The following LOC400499 variants were observed in gnomAD, a reference collection of about 807,000 sequenced individuals.
chr16:11,437,751 C>A, the LOC400499 span, among the ~76,000 whole-genome samples: 2 of 152,122 alleles, frequency 1.3e-5, no homozygotes, highest in Non-Finnish European at 2.9e-5. Flanking sequence ...TGCCTGTAAT[C>A]CCAGCTACTT....
chr16:11,505,115 C>T, the LOC400499 span, among the ~76,000 whole-genome samples: 24 of 150,794 alleles, frequency 1.6e-4, no homozygotes, highest in Non-Finnish European at 2.1e-4. Flanking sequence ...CCTGAACCCA[C>T]ACTCTTAACA....
the LOC400499 span, among the ~76,000 whole-genome samples, chr16:11,504,950 C>T: frequency 2.3e-4 from 35 of 152,064 alleles, no homozygotes; most frequent in Admixed American, 6.6e-4. Context: ...ATAACAACTA[C>T]GCCACTAGTT....
chr16:11,466,054 A>G, the LOC400499 span, among the ~76,000 whole-genome samples: 1 of 152,252 alleles, frequency 6.6e-6, no homozygotes, highest in South Asian at 2.1e-4. Flanking sequence ...AGAGTCCTTC[A>G]TTATTAAACT....
chr16:11,465,776 CAGAGAGGGAAAAG>C, the LOC400499 span, among the ~76,000 whole-genome samples: 1 of 116,550 alleles, frequency 8.6e-6, no homozygotes, highest in Non-Finnish European at 1.6e-5. Flanking sequence ...GGGGGGTGGG[CAGAGAGGGAAAAG>C]AGAGAGGGGG....
the LOC400499 span, chr16:11,401,324 C>T: frequency 5.0e-6 from 2 of 399,316 alleles, no homozygotes; most frequent in Non-Finnish European, 4.4e-6. Flanking sequence ...GGCTTGCCGC[C>T]AAGGGAGGTT....
chr16:11,381,611 CGTCGGTGGATCCCTT>C, the LOC400499 span, among the ~76,000 whole-genome samples: 3 of 152,178 alleles, frequency 2.0e-5, no homozygotes, highest in South Asian at 6.2e-4. Flanking sequence ...CGTAAATGAA[CGTCGGTGGATCCCTT>C]GAGTAAGTGT....
chr16:11,511,000 T>G, the LOC400499 span, among the ~76,000 whole-genome samples: 2 of 150,678 alleles, frequency 1.3e-5, 1 homozygote, highest in Non-Finnish European at 2.9e-5. Context: ...AATGATGATT[T>G]TCTTTTTTTT....
chr16:11,518,154 C>T, the LOC400499 span, among the ~76,000 whole-genome samples: 14 of 152,202 alleles, frequency 9.2e-5, no homozygotes, highest in Non-Finnish European at 1.5e-5. Context: ...ACAATAGTCC[C>T]CTTGGAGGAG....
chr16:11,391,310 A>G, the LOC400499 span, among the ~76,000 whole-genome samples: 1 of 152,174 alleles, frequency 6.6e-6, no homozygotes, highest in African/African-American at 2.4e-5. Flanking sequence ...ACCTGGCCAC[A>G]TTGAGCTCAT....
At chr16:11,411,433 G>A in the LOC400499 span, 1 of 398,114 alleles carries the variant, frequency 2.5e-6, no homozygotes, top group Non-Finnish European at 4.4e-6. Context: ...GAGAGTCAGA[G>A]AGCCAGGATC....
the LOC400499 span, among the ~76,000 whole-genome samples, chr16:11,413,198 C>G: frequency 6.6e-6 from 1 of 152,172 alleles, no homozygotes; most frequent in African/African-American, 2.4e-5. Context: ...CAGACGTCGA[C>G]AGAGAATGTG....
At chr16:11,393,162 C>G in the LOC400499 span, among the ~76,000 whole-genome samples, 4 of 132,112 alleles carry the variant, frequency 3.0e-5, no homozygotes, top group South Asian at 2.2e-4. Context: ...CCACCCCCCC[C>G]CCTTTTTTTT....
At chr16:11,384,147 C>A in the LOC400499 span, 1 of 1,214,360 alleles carries the variant, frequency 8.2e-7, no homozygotes, top group South Asian at 4.2e-5. Flanking sequence ...CTGCCTCTCC[C>A]GGGACTCTGC....
At chr16:11,493,294 C>A in the LOC400499 span, among the ~76,000 whole-genome samples, 2 of 152,324 alleles carry the variant, frequency 1.3e-5, no homozygotes, top group South Asian at 4.1e-4. Flanking sequence ...GGAAAGCAGC[C>A]ATAGATAACA....
At chr16:11,397,894 G>C in the LOC400499 span, among the ~76,000 whole-genome samples, 3 of 152,048 alleles carry the variant, frequency 2.0e-5, no homozygotes, top group Non-Finnish European at 2.9e-5. Context: ...TACGGGGATG[G>C]ATGGAAGATA....
chr16:11,465,803 G>C, the LOC400499 span, among the ~76,000 whole-genome samples: 1 of 134,392 alleles, frequency 7.4e-6, no homozygotes, highest in Non-Finnish European at 1.6e-5. Flanking sequence ...GAGGGGGAAA[G>C]AGACTGGTAG....
At chr16:11,490,579 T>C in the LOC400499 span, among the ~76,000 whole-genome samples, 1 of 152,002 alleles carries the variant, frequency 6.6e-6, no homozygotes, top group African/African-American at 2.4e-5. Context: ...TGGCCACCTG[T>C]AGTCCTAGCT....
At chr16:11,504,821 G>T in the LOC400499 span, among the ~76,000 whole-genome samples, 1 of 152,048 alleles carries the variant, frequency 6.6e-6, no homozygotes. Context: ...TATTCAAGAG[G>T]CTGAGACAGG....
At chr16:11,514,123 G>A in the LOC400499 span, among the ~76,000 whole-genome samples, 1 of 152,178 alleles carries the variant, frequency 6.6e-6, no homozygotes, top group East Asian at 1.9e-4. Flanking sequence ...TCTTCACCAA[G>A]GACATCCCAG....
Sources: allele counts gnomAD v4.1 joint callset (sites outside exome capture counted in the v4.1 genomes callset), GRCh38; gene constraint gnomAD v4.1.1; transcripts MANE v1.5.